Variants in GPR39 observed in about 807,000 individuals in gnomAD.
GPR39 encodes zinc sensing receptor.
Under a neutral mutation model 18.4 loss-of-function variants are expected in GPR39, and 23 were observed. That is an observed-to-expected ratio of 1.25 (90% CI 0.90 to 1.77). The LOEUF is 1.77. Among genes scored for constraint, GPR39 ranks in the 40% most tolerant of loss-of-function variants. The probability of loss-of-function intolerance (pLI) is 0.00; values close to 1 mark genes in which losing one functional copy is unlikely to be tolerated. For missense variants in GPR39, 647 were observed against 602.4 expected, an observed-to-expected ratio of 1.07 and a Z score of -0.78; for synonymous variants, 280 against 257.9, an observed-to-expected ratio of 1.09 and a Z score of -0.82.
intron 1 of GPR39, among the ~76,000 whole-genome samples, chr2:132,453,974 G>C (rs998976550): frequency 6.6e-6 from 1 of 152,074 alleles, no homozygotes; most frequent in African/African-American, 2.4e-5. Context: ...GCTCTTTTTT[G>C]GTTCCATATG....
At chr2:132,528,181 T>TG (rs1679546730) in intron 1 of GPR39, among the ~76,000 whole-genome samples, 1 of 152,212 alleles carries the variant, frequency 6.6e-6, no homozygotes, top group Non-Finnish European at 1.5e-5. Context: ...ACTTATTAAA[T>TG]GGGGAATCCT....
chr2:132,614,360 C>G (rs768559898), intron 1 of GPR39, among the ~76,000 whole-genome samples: 3 of 151,642 alleles, frequency 2.0e-5, no homozygotes, highest in African/African-American at 7.3e-5. Flanking sequence ...GTGCATGCCA[C>G]CACACCCAGC....
chr2:132,464,099 G>A lies in GPR39; in HGVS notation c.856+46201G>A, dbSNP rs552577444. Among the ~76,000 whole-genome samples the A allele has an allele frequency of 6.6e-5, 10 of 152,350 alleles. No individual in the cohort carries two copies. In the South Asian group the frequency reaches 2.1e-3, roughly 32 times the overall value. ...ACAAAGCCAGCCCAGATTCCAGCTG[G>A]TGAGATAGATGTTAAATTAAAAATC... On this transcript the variant is annotated intron_variant, in intron 1 of 1. Coordinates refer to ENST00000329321, the MANE Select transcript of GPR39 (RefSeq NM_001508.3).
chr2:132,627,171 C>G (rs1012667677), intron 1 of GPR39, among the ~76,000 whole-genome samples: 1 of 152,126 alleles, frequency 6.6e-6, no homozygotes, highest in African/African-American at 2.4e-5. Context: ...GGGACTGGCC[C>G]TGTGTCCCTG....
chr2:132,429,420 T>A (rs887839009), intron 1 of GPR39, among the ~76,000 whole-genome samples: 2 of 152,242 alleles, frequency 1.3e-5, no homozygotes, highest in African/African-American at 4.8e-5. Context: ...GGCTGCTTTT[T>A]ATCTCTGGGA....
At position 132,549,280 on chromosome 2, in the gene GPR39, G is replaced by A. The variant is rs183358783; in HGVS notation, c.857-95821G>A. The stretch of plus-strand genomic sequence containing the variant: ...GGCTAATTCACCTTCAGTTCCCAGA[G>A]CATACCACACCCCAAGCCTGTACAT... On this transcript the variant is annotated intron_variant, in intron 1 of 1. Coordinates refer to ENST00000329321, the MANE Select transcript of GPR39 (RefSeq NM_001508.3). Among the ~76,000 whole-genome samples, 16 of 152,292 alleles carry A rather than the reference G, an allele frequency of 1.1e-4. 1 individual carries two copies. The highest frequency in any genetic ancestry group is 9.2e-4 in the Admixed American group (14 of 15,296).
At chr2:132,627,396 C>A (rs1395686080) in intron 1 of GPR39, among the ~76,000 whole-genome samples, 1 of 152,196 alleles carries the variant, frequency 6.6e-6, no homozygotes, top group Non-Finnish European at 1.5e-5. Context: ...AAACTCAGGA[C>A]AGGATGGTGG....
At chr2:132,533,992 G>A (rs1223256186) in intron 1 of GPR39, among the ~76,000 whole-genome samples, 2 of 152,144 alleles carry the variant, frequency 1.3e-5, no homozygotes, top group Admixed American at 1.3e-4. Context: ...ATTGACAGAT[G>A]GGATCTAATT....
chr2:132,582,160 G>T (rs1309898062), intron 1 of GPR39, among the ~76,000 whole-genome samples: 2 of 152,184 alleles, frequency 1.3e-5, no homozygotes, highest in Non-Finnish European at 2.9e-5. Context: ...GTGAGTCAAA[G>T]CTACAGGTGA....
At chr2:132,610,838 C>T (rs1281861618) in intron 1 of GPR39, among the ~76,000 whole-genome samples, 2 of 150,434 alleles carry the variant, frequency 1.3e-5, no homozygotes, top group African/African-American at 4.9e-5. Context: ...GGAGCTCTGT[C>T]ATCATCAACT....
At chr2:132,589,744 C>T (rs1680796245) in intron 1 of GPR39, among the ~76,000 whole-genome samples, 1 of 152,180 alleles carries the variant, frequency 6.6e-6, no homozygotes, top group Non-Finnish European at 1.5e-5. Context: ...AAAGGTGTCC[C>T]ATTGCTCTAA....
At chr2:132,426,229 A>G (rs1680115932) in intron 1 of GPR39, among the ~76,000 whole-genome samples, 1 of 152,204 alleles carries the variant, frequency 6.6e-6, no homozygotes, top group African/African-American at 2.4e-5. Context: ...GTGCTCAGTG[A>G]TCTGGAAGTT....
chr2:132,594,703 A>G (rs967784539), intron 1 of GPR39, among the ~76,000 whole-genome samples: 12 of 151,498 alleles, frequency 7.9e-5, no homozygotes, highest in African/African-American at 2.7e-4. Context: ...ATGGGGAGAG[A>G]GACACCGAGA....
At chr2:132,610,559 T>C (rs910438682) in intron 1 of GPR39, among the ~76,000 whole-genome samples, 2 of 151,896 alleles carry the variant, frequency 1.3e-5, no homozygotes, top group Admixed American at 1.3e-4. Flanking sequence ...GGTGGATCAC[T>C]TGAGGTCAGG....
chr2:132,634,129 G>A (rs1369974915), intron 1 of GPR39, among the ~76,000 whole-genome samples: 2 of 148,530 alleles, frequency 1.3e-5, no homozygotes, highest in African/African-American at 5.2e-5. Context: ...CATAGTAGGA[G>A]CAGTGGTATG....
At chr2:132,574,010 T>G (rs1277724569) in intron 1 of GPR39, among the ~76,000 whole-genome samples, 2 of 152,384 alleles carry the variant, frequency 1.3e-5, no homozygotes, top group Admixed American at 1.3e-4. Flanking sequence ...ACTTTGTATA[T>G]TCAGCTTCAC....
intron 1 of GPR39, among the ~76,000 whole-genome samples, chr2:132,595,701 G>A (rs1573688389): frequency 6.6e-6 from 1 of 152,022 alleles, no homozygotes; most frequent in Non-Finnish European, 1.5e-5. Flanking sequence ...CTTCATTCTG[G>A]CTCAGTCATC....
intron 1 of GPR39, among the ~76,000 whole-genome samples, chr2:132,419,750 T>G (rs1311272399): frequency 1.3e-5 from 2 of 152,190 alleles, no homozygotes; most frequent in African/African-American, 4.8e-5. Context: ...CCTTTTTTTT[T>G]GATCGGAGGA....
chr2:132,619,547 C>T (rs1267765901), intron 1 of GPR39, among the ~76,000 whole-genome samples: 2 of 152,146 alleles, frequency 1.3e-5, no homozygotes, highest in Non-Finnish European at 2.9e-5. Flanking sequence ...AGTTGTGCTT[C>T]ATTTCTATGG....
Sources: gnomAD v4.1 joint callset for allele counts (sites outside exome capture counted in the v4.1 genomes callset) on GRCh38, gnomAD v4.1.1 for gene constraint, MANE v1.5 for transcripts, NCBI Gene and HGNC (gene_info 2026-07-23, HGNC 2026-07-21) for gene names.